The following SNTG1 variants were observed in gnomAD, a reference collection of about 807,000 sequenced individuals.
SNTG1 encodes the protein syntrophin gamma 1.
Under a neutral mutation model 74.7 loss-of-function variants are expected in SNTG1, and 39 were observed. That is an observed-to-expected ratio of 0.52 (90% CI 0.40 to 0.68). SNTG1 has a LOEUF of 0.68. Among genes scored for constraint, SNTG1 ranks in the 30% least tolerant of loss-of-function variants. The pLI, the probability that SNTG1 is intolerant of heterozygous loss-of-function variation, is 0.00. For synonymous variants in SNTG1, 254 were observed against 217.1 expected (o/e 1.17, Z -1.49); for missense variants, 685 against 609.5 (o/e 1.12, Z -1.30).
chr8:49,968,266 C>G (rs1170940201), intron 1 of SNTG1, among the ~76,000 whole-genome samples: 1 of 152,168 alleles, frequency 6.6e-6, no homozygotes, highest in Non-Finnish European at 1.5e-5. Context: ...GTCTCCAGTA[C>G]TTACCAAAAC....
chr8:50,365,141 C>T lies in SNTG1; in HGVS notation c.-27-29071C>T, dbSNP rs185881258. ...TTAATTTCCATAAGTTTAATTGCTTCTATATGAGTAGTCAGAGAAAAATTC... is the reference window on the plus strand; with the variant it reads ...TTAATTTCCATAAGTTTAATTGCTTTTATATGAGTAGTCAGAGAAAAATTC... On this transcript the variant is annotated intron_variant, in intron 2 of 18. Coordinates refer to ENST00000642720, the MANE Select transcript of SNTG1 (RefSeq NM_018967.5). Among the ~76,000 whole-genome samples the T allele has an allele frequency of 1.6e-3, 247 of 152,056 alleles. 1 individual carries two copies. The highest frequency in any genetic ancestry group is 9.7e-4 in the East Asian group (5 of 5,172).
At chr8:50,423,376 T>C (rs1316896644) in intron 4 of SNTG1, among the ~76,000 whole-genome samples, 1 of 152,238 alleles carries the variant, frequency 6.6e-6, no homozygotes, top group African/African-American at 2.4e-5. Context: ...AAAAATCCTC[T>C]CATTTCTCCT....
intron 4 of SNTG1, among the ~76,000 whole-genome samples, chr8:50,427,432 T>A (rs940867258): frequency 6.6e-6 from 1 of 152,204 alleles, no homozygotes. Context: ...TACACTTTTT[T>A]TATTTTTAAT....
intron 2 of SNTG1, among the ~76,000 whole-genome samples, chr8:50,319,835 T>C (rs2090458874): frequency 6.6e-6 from 1 of 152,190 alleles, no homozygotes; most frequent in East Asian, 1.9e-4. Flanking sequence ...ATTAATTGAT[T>C]TGCATATGTG....
At chr8:50,416,487 C>T (rs907172597) in intron 4 of SNTG1, among the ~76,000 whole-genome samples, 1 of 152,056 alleles carries the variant, frequency 6.6e-6, no homozygotes, top group Non-Finnish European at 1.5e-5. Flanking sequence ...ATGTATTAAA[C>T]AATAGTGGTG....
At chr8:50,758,462 C>T (rs2095587428) in intron 18 of SNTG1, among the ~76,000 whole-genome samples, 1 of 151,878 alleles carries the variant, frequency 6.6e-6, no homozygotes, top group South Asian at 2.1e-4. Flanking sequence ...TAATGCTATC[C>T]CTTCCCTGCC....
intron 8 of SNTG1, among the ~76,000 whole-genome samples, chr8:50,496,361 T>G (rs2131916687): frequency 6.6e-6 from 1 of 152,118 alleles, no homozygotes; most frequent in African/African-American, 2.4e-5. Flanking sequence ...TGAAGGGAGG[T>G]GTGTGCGTGT....
intron 4 of SNTG1, among the ~76,000 whole-genome samples, chr8:50,437,222 G>A (rs1038743532): frequency 6.6e-6 from 1 of 152,020 alleles, no homozygotes; most frequent in African/African-American, 2.4e-5. Context: ...GCATTCAATA[G>A]TAATAATAAT....
intron 2 of SNTG1, among the ~76,000 whole-genome samples, chr8:50,266,079 G>A (rs2087450229): frequency 6.7e-6 from 1 of 150,182 alleles, no homozygotes; most frequent in African/African-American, 2.4e-5. Context: ...AGGAATTGAT[G>A]AGCTAATGCT....
intron 4 of SNTG1, among the ~76,000 whole-genome samples, chr8:50,431,208 A>G (rs888539254): frequency 1.4e-4 from 22 of 152,204 alleles, no homozygotes; most frequent in Admixed American, 4.6e-4. Flanking sequence ...ACAATGTATA[A>G]TGGTATGCAA....
chr8:50,091,103 G>T (rs1476766078), intron 1 of SNTG1, among the ~76,000 whole-genome samples: 1 of 151,856 alleles, frequency 6.6e-6, no homozygotes, highest in Non-Finnish European at 1.5e-5. Context: ...AAAATATTTG[G>T]TAATAAAAAT....
At chr8:50,402,966 C>G (rs1268399129) in intron 4 of SNTG1, among the ~76,000 whole-genome samples, 1 of 152,202 alleles carries the variant, frequency 6.6e-6, no homozygotes, top group East Asian at 1.9e-4. Flanking sequence ...TGTACCTACT[C>G]ATGTCGAGGC....
chr8:49,984,714 A>G lies in SNTG1; in HGVS notation c.-103+72483A>G, dbSNP rs778371341. On this transcript the variant is annotated intron_variant, in intron 1 of 18. Transcript: ENST00000642720. ...CATTTCATGCAAAGTAAGTTGAAGA[A>G]TCGATACTTTATAGTAGGAAGAGAA... Among the ~76,000 whole-genome samples, 83 of 152,202 alleles carry G rather than the reference A, an allele frequency of 5.5e-4. 2 individuals are homozygous for G. Among genetic ancestry groups the G allele is most frequent in the Non-Finnish European group, 1.6e-4 (11 of 68,038 alleles).
intron 2 of SNTG1, among the ~76,000 whole-genome samples, chr8:50,360,000 T>C (rs1301918872): frequency 6.6e-6 from 1 of 152,158 alleles, no homozygotes; most frequent in African/African-American, 2.4e-5. Context: ...ACAAGTTTCT[T>C]AGAAATGCAG....
intron 1 of SNTG1, among the ~76,000 whole-genome samples, chr8:50,168,231 C>T (rs2131634280): frequency 6.6e-6 from 1 of 152,192 alleles, no homozygotes; most frequent in Admixed American, 6.5e-5. Context: ...TAATTCCTGA[C>T]TATTAATTTT....
At chr8:50,201,828 C>G (rs1445445052) in intron 2 of SNTG1, among the ~76,000 whole-genome samples, 2 of 152,106 alleles carry the variant, frequency 1.3e-5, no homozygotes, top group Non-Finnish European at 1.5e-5. Flanking sequence ...ATGACCTCAA[C>G]TCTCTAATCT....
chr8:50,304,586 C>T (rs924752588), intron 2 of SNTG1, among the ~76,000 whole-genome samples: 4 of 151,990 alleles, frequency 2.6e-5, no homozygotes, highest in African/African-American at 9.7e-5. Context: ...AGAAAGAAAG[C>T]AGGGGTCACA....
At chr8:50,048,501 T>C (rs1355237190) in intron 1 of SNTG1, among the ~76,000 whole-genome samples, 1 of 152,204 alleles carries the variant, frequency 6.6e-6, no homozygotes, top group East Asian at 1.9e-4. Flanking sequence ...TTTCTTTCCA[T>C]CTTTTACAAT....
At chr8:50,137,450 T>A (rs781305024) in intron 1 of SNTG1, among the ~76,000 whole-genome samples, 4 of 152,132 alleles carry the variant, frequency 2.6e-5, no homozygotes, top group Non-Finnish European at 5.9e-5. Context: ...TTTCAGTAGG[T>A]GTGGGAACCT....
Sources: gnomAD v4.1 joint callset for allele counts (sites outside exome capture counted in the v4.1 genomes callset) on GRCh38, gnomAD v4.1.1 for gene constraint, MANE v1.5 for transcripts, NCBI Gene and HGNC (gene_info 2026-07-23, HGNC 2026-07-21) for gene names.